MARCKSL1: variants seen among roughly 807,000 people sequenced by gnomAD.
The protein encoded by MARCKSL1 is MARCKS-related protein.
A neutral mutation model predicts 13.3 loss-of-function variants in MARCKSL1; 5 were observed. The ratio of observed to expected loss-of-function variants is 0.38; its 90% confidence interval spans 0.20 to 0.79. The LOEUF is 0.79. Ranked by LOEUF, MARCKSL1 falls within the 30% of genes least tolerant of loss-of-function variation. MARCKSL1 has a pLI of 0.45. For synonymous variants in MARCKSL1, 126 were observed against 103.2 expected (o/e 1.22, Z -1.34); for missense variants, 274 against 251.6 (o/e 1.09, Z -0.60).
Position 32,336,116 on chromosome 1 carries a change from G to A in MARCKSL1, c.-83C>T. On this transcript the variant is annotated 5_prime_UTR_variant, in exon 1 of 2. Coordinates refer to ENST00000329421, the MANE Select transcript of MARCKSL1 (RefSeq NM_023009.7). ...GTACGGCGGGGTCGGCCCGGCCGGC[G>A]GAGGGGTGGGGCTGGCGCCCGAGGG... 1.5e-6 allele frequency: 1 copy of A among 664,198 alleles called. No individual in the cohort carries two copies. Among genetic ancestry groups the A allele is most frequent in the Non-Finnish European group, 2.1e-6 (1 of 473,004 alleles). 41.1% of individuals were successfully genotyped at this position (664,198 alleles called of 1,614,324 possible).
chr1:32,336,106 C>T lies in MARCKSL1; in HGVS notation c.-73G>A. ...GCAGGGGATAGTACGGCGGGGTCGG[C>T]CCGGCCGGCGGAGGGGTGGGGCTGG... On this transcript the variant is annotated 5_prime_UTR_variant, in exon 1 of 2. Transcript: ENST00000329421. The T allele has an allele frequency of 1.2e-6, 1 of 862,026 alleles. No homozygotes were observed. The highest frequency in any genetic ancestry group is 1.5e-6 in the Non-Finnish European group (1 of 648,940). The allele number at this position is 862,026 out of a possible 1,614,324, so 53.4% of individuals were successfully genotyped here. A position where few individuals can be genotyped will look rare whatever the true frequency, so the allele number is the denominator to read the frequency against.
In MARCKSL1 at chr1:32,335,132, G is replaced by A. The variant is rs971169140; in HGVS notation, c.88-35C>T. 3 of 1,501,996 alleles carry A rather than the reference G, an allele frequency of 2.0e-6. No individual in the cohort carries two copies. The highest frequency in any genetic ancestry group is 2.7e-6 in the Non-Finnish European group (3 of 1,126,884). 93.0% of individuals were successfully genotyped at this position (1,501,996 alleles called of 1,614,324 possible). ...AGAGGGAATAGCAATGAGGGCAGGG[G>A]CTCCCCCTCCCCCAGCCCGCTTCTG... On this transcript the variant is annotated intron_variant, in intron 1 of 1. Coordinates refer to ENST00000329421, the MANE Select transcript of MARCKSL1 (RefSeq NM_023009.7). This position sits in a 1 kb window ranked among gnomAD's most constrained non-coding sequence, Gnocchi z 4.1.
In MARCKSL1 at chr1:32,333,843, G is replaced by A. The variant is rs750844119; in HGVS notation, c.*754C>T. On this transcript the variant is annotated 3_prime_UTR_variant, in exon 2 of 2. Transcript: ENST00000329421. ...GACCACTCATTAAAGCACCACTAAA[G>A]GGACGACATTTATTCCTTTTCCAAA... 6.6e-6 allele frequency: 1 copy of A among 152,414 alleles called. No individual in the cohort carries two copies. Among genetic ancestry groups the A allele is most frequent in the Non-Finnish European group, 1.5e-5 (1 of 68,034 alleles). 9.4% of individuals were successfully genotyped at this position (152,414 alleles called of 1,614,324 possible).
In MARCKSL1 at chr1:32,335,177, G is replaced by A. The variant is rs1570049069; in HGVS notation, c.88-80C>T. The A allele has an allele frequency of 6.0e-6, 8 of 1,343,150 alleles. No individual in the cohort carries two copies. The East Asian group carries it at 1.3e-4, about 22-fold the overall frequency. The allele number at this position is 1,343,150 out of a possible 1,614,324, so 83.2% of individuals were successfully genotyped here. A position where few individuals can be genotyped will look rare whatever the true frequency, so the allele number is the denominator to read the frequency against. On this transcript the variant is annotated intron_variant, in intron 1 of 1. Coordinates refer to ENST00000329421, the MANE Select transcript of MARCKSL1 (RefSeq NM_023009.7). This position sits in a 1 kb window ranked among gnomAD's most constrained non-coding sequence, Gnocchi z 4.1. Reference sequence around the variant, plus strand: ...CTTCTGATCCCTTCTAGAGGAAGGGGTCCTCGATTCGATTCTACTGCAACC... The same window carrying A: ...CTTCTGATCCCTTCTAGAGGAAGGGATCCTCGATTCGATTCTACTGCAACC...
At position 32,334,639 on chromosome 1, in the gene MARCKSL1, C is replaced by T. The variant is rs3729976; in HGVS notation, c.546G>A (p.Pro182=). The T allele has an allele frequency of 1.0e-3, 1,610 of 1,596,556 alleles. 19 individuals carry two copies. In the African/African-American group the frequency reaches 0.019, roughly 19 times the overall value. Residue 182 remains proline, a synonymous_variant, in exon 2 of 2, where the codon CCG becomes CCA. Transcript: ENST00000329421. Reference sequence around the variant, plus strand: ...CGCTGGCTGGTGTAGGGCCACTCTCCGGCCCCGAGGGAGTGGATGGCTCTG... The same window carrying T: ...CGCTGGCTGGTGTAGGGCCACTCTCTGGCCCCGAGGGAGTGGATGGCTCTG... ...QATEPSTPSG[P]ESGPTPASAE... is the part of the protein sequence containing the mutation.
Position 32,335,802 on chromosome 1 carries a change from G to T in MARCKSL1, c.87+145C>A, listed in dbSNP as rs967105911. The T allele has an allele frequency of 1.8e-5, 6 of 328,410 alleles. No individual in the cohort carries two copies. Among genetic ancestry groups the T allele is most frequent in the African/African-American group, 1.3e-4 (6 of 45,372 alleles). 20.3% of individuals were successfully genotyped at this position (328,410 alleles called of 1,614,324 possible). A position where few individuals can be genotyped will look rare whatever the true frequency, so the allele number is the denominator to read the frequency against. The stretch of plus-strand genomic sequence containing the variant: ...TCGCTTCGCCCGCGGGGGCTGCGGC[G>T]CCGAGAACAAAGGGACCGGGCGGGG... On this transcript the variant is annotated intron_variant, in intron 1 of 1. Transcript: ENST00000329421. This position sits in a 1 kb window ranked among gnomAD's most constrained non-coding sequence, Gnocchi z 4.1.
Position 32,335,022 on chromosome 1 carries a change from C to T in MARCKSL1, c.163G>A (p.Asp55Asn). The T allele has an allele frequency of 6.3e-7, 1 of 1,587,120 alleles. No individual in the cohort carries two copies. Among genetic ancestry groups the T allele is most frequent in the Non-Finnish European group, 8.6e-7 (1 of 1,167,572 alleles). The change falls in exon 2 of 2, where the codon GAT (aspartate) becomes AAT (asparagine). Residue 55 changes from aspartate to asparagine, a missense_variant. Asp to Asn is a conservative substitution (Grantham distance 23). Transcript: ENST00000329421. The surrounding 1 kb of genome is among the most constrained non-coding windows in gnomAD (Gnocchi z 4.1). ...EGESPPVNGTDEAAGATGDAI... is the reference protein window; with the variant it reads ...EGESPPVNGTNEAAGATGDAI... ...TCGCCAGTGGCCCCGGCTGCCTCAT[C>T]TGTTCCGTTCACAGGGGGCGACTCC...
chr1:32,336,175 C>G lies in MARCKSL1; in HGVS notation c.-142G>C, dbSNP rs988249780. 8.4e-6 allele frequency: 3 copies of G among 358,732 alleles called. No individual in the cohort carries two copies. Among genetic ancestry groups the G allele is most frequent in the Non-Finnish European group, 1.5e-5 (3 of 202,634 alleles). 22.2% of individuals were successfully genotyped at this position (358,732 alleles called of 1,614,324 possible). On this transcript the variant is annotated 5_prime_UTR_variant, in exon 1 of 2. Coordinates refer to ENST00000329421, the MANE Select transcript of MARCKSL1 (RefSeq NM_023009.7). Reference sequence around the variant, plus strand: ...GCCGGGGGAAGCCGAGCTGCACCTCCGCTCCGCGGCCGACCCGCTAGCTGC... The same window carrying G: ...GCCGGGGGAAGCCGAGCTGCACCTCGGCTCCGCGGCCGACCCGCTAGCTGC...
Position 32,335,432 on chromosome 1 carries a change from T to A in MARCKSL1, c.88-335A>T, listed in dbSNP as rs1204393851. On this transcript the variant is annotated intron_variant, in intron 1 of 1. Transcript: ENST00000329421. The surrounding 1 kb of genome is among the most constrained non-coding windows in gnomAD (Gnocchi z 4.1). ...GGCGGGCGAGCCGCTCTAGGCGACA[T>A]TGGGCGGGAAGCCGCCCCGGGGCGC... 6.6e-6 allele frequency among the ~76,000 whole-genome samples: 1 copy of A among 151,100 alleles called. No homozygotes were observed. The highest frequency in any genetic ancestry group is 2.1e-4 in the South Asian group (1 of 4,786).
chr1:32,334,548 G>A lies in MARCKSL1; in HGVS notation c.*49C>T. On this transcript the variant is annotated 3_prime_UTR_variant, in exon 2 of 2. Coordinates refer to ENST00000329421, the MANE Select transcript of MARCKSL1 (RefSeq NM_023009.7). ...CAGGTCCAGGCAGTGACCTCACAAG[G>A]ACAGCACAGTTTTTGCAGCTTAGAG... is the stretch of plus-strand genomic sequence containing the variant. 1 of 1,504,444 alleles carries A rather than the reference G, an allele frequency of 6.6e-7. No individual in the cohort carries two copies. Among genetic ancestry groups the A allele is most frequent in the Non-Finnish European group, 8.9e-7 (1 of 1,127,376 alleles). The allele number at this position is 1,504,444 out of a possible 1,614,324, so 93.2% of individuals were successfully genotyped here.
chr1:32,335,224 A>C lies in MARCKSL1; in HGVS notation c.88-127T>G. 9.5e-7 allele frequency: 1 copy of C among 1,051,468 alleles called. No individual in the cohort carries two copies. The highest frequency in any genetic ancestry group is 1.3e-6 in the Non-Finnish European group (1 of 796,292). 65.1% of individuals were successfully genotyped at this position (1,051,468 alleles called of 1,614,324 possible). A position where few individuals can be genotyped will look rare whatever the true frequency, so the allele number is the denominator to read the frequency against. ...AACCCGAAAGTCTGGCTTCAGCCTC[A>C]CCCACACCCAGGATCCCGTCAAACA... On this transcript the variant is annotated intron_variant, in intron 1 of 1. Transcript: ENST00000329421. This position sits in a 1 kb window ranked among gnomAD's most constrained non-coding sequence, Gnocchi z 4.1.
chr1:32,334,426 A>G lies in MARCKSL1; in HGVS notation c.*171T>C. Reference sequence around the variant, plus strand: ...CCTTAAGAGGAGAACCAGATGGCTGATGGGAGAATCCACAGGAGGGAGAGG... The same window carrying G: ...CCTTAAGAGGAGAACCAGATGGCTGGTGGGAGAATCCACAGGAGGGAGAGG... On this transcript the variant is annotated 3_prime_UTR_variant, in exon 2 of 2. Transcript: ENST00000329421. The G allele has an allele frequency of 2.8e-6, 2 of 702,294 alleles. No homozygotes were observed. Among genetic ancestry groups the G allele is most frequent in the Non-Finnish European group, 4.3e-6 (2 of 460,154 alleles). The allele number at this position is 702,294 out of a possible 1,614,324, so 43.5% of individuals were successfully genotyped here. A position where few individuals can be genotyped will look rare whatever the true frequency, so the allele number is the denominator to read the frequency against.
chr1:32,335,917 G>C lies in MARCKSL1; in HGVS notation c.87+30C>G. On this transcript the variant is annotated intron_variant, in intron 1 of 1. Transcript: ENST00000329421. This position sits in a 1 kb window ranked among gnomAD's most constrained non-coding sequence, Gnocchi z 4.1. ...GAAGGGGCGAGGTGCGAGAGGAGGG[G>C]CTGGGGCCGGCCGGGCCAAGCGTAC... 1 of 1,254,402 alleles carries C rather than the reference G, an allele frequency of 8.0e-7. No individual in the cohort carries two copies. Among genetic ancestry groups the C allele is most frequent in the Non-Finnish European group, 1.0e-6 (1 of 987,108 alleles). 77.7% of individuals were successfully genotyped at this position (1,254,402 alleles called of 1,614,324 possible). A position where few individuals can be genotyped will look rare whatever the true frequency, so the allele number is the denominator to read the frequency against.
rs1553159513 is a variant in MARCKSL1 at position 32,335,276 on chromosome 1, C to CGGGGAGCGAGCGCGCAG, written c.88-196_88-180dup. Among the ~76,000 whole-genome samples, 1 of 152,170 alleles carries CGGGGAGCGAGCGCGCAG rather than the reference C, an allele frequency of 6.6e-6. No individual in the cohort carries two copies. The highest frequency in any genetic ancestry group is 1.5e-5 in the Non-Finnish European group (1 of 68,012). ...CTCCCTCTCGCCCCTCACGGGCGCG[C>CGGGGAGCGAGCGCGCAG]GGGGAGCGAGCGCGCAGAGGGCGCG... On this transcript the variant is annotated intron_variant, in intron 1 of 1. Coordinates refer to ENST00000329421, the MANE Select transcript of MARCKSL1 (RefSeq NM_023009.7). This position sits in a 1 kb window ranked among gnomAD's most constrained non-coding sequence, Gnocchi z 4.1.
chr1:32,334,030 T>C lies in MARCKSL1; in HGVS notation c.*567A>G, dbSNP rs1252684397. On this transcript the variant is annotated 3_prime_UTR_variant, in exon 2 of 2. Coordinates refer to ENST00000329421, the MANE Select transcript of MARCKSL1 (RefSeq NM_023009.7). ...GACCTCCCCCCACCCCAAAGCCTAA[T>C]ACTTGCTTACCAAGTCAAAAAAGAG... 1 of 152,530 alleles carries C rather than the reference T, an allele frequency of 6.6e-6. No individual in the cohort carries two copies. 9.4% of individuals were successfully genotyped at this position (152,530 alleles called of 1,614,324 possible).
chr1:32,335,178 T>G lies in MARCKSL1; in HGVS notation c.88-81A>C. 1.5e-6 allele frequency: 2 copies of G among 1,370,412 alleles called. No individual in the cohort carries two copies. Among genetic ancestry groups the G allele is most frequent in the South Asian group, 3.8e-5 (2 of 52,562 alleles). The allele number at this position is 1,370,412 out of a possible 1,614,324, so 84.9% of individuals were successfully genotyped here. The stretch of plus-strand genomic sequence containing the variant: ...TTCTGATCCCTTCTAGAGGAAGGGG[T>G]CCTCGATTCGATTCTACTGCAACCC... On this transcript the variant is annotated intron_variant, in intron 1 of 1. Coordinates refer to ENST00000329421, the MANE Select transcript of MARCKSL1 (RefSeq NM_023009.7). This position sits in a 1 kb window ranked among gnomAD's most constrained non-coding sequence, Gnocchi z 4.1.
chr1:32,334,396 A>G lies in MARCKSL1; in HGVS notation c.*201T>C. The stretch of plus-strand genomic sequence containing the variant: ...GGGAAGCTGTAAGGGACCATCTTCA[A>G]CTGGCCTTAAGAGGAGAACCAGATG... On this transcript the variant is annotated 3_prime_UTR_variant, in exon 2 of 2. Transcript: ENST00000329421. 1 of 515,256 alleles carries G rather than the reference A, an allele frequency of 1.9e-6. No individual in the cohort carries two copies. The highest frequency in any genetic ancestry group is 3.2e-6 in the Non-Finnish European group (1 of 311,554). 31.9% of individuals were successfully genotyped at this position (515,256 alleles called of 1,614,324 possible).
rs919329416 is a variant in MARCKSL1 at position 32,335,864 on chromosome 1, G to GCGGCCC, written c.87+77_87+82dup. On this transcript the variant is annotated intron_variant, in intron 1 of 1. Transcript: ENST00000329421. This position sits in a 1 kb window ranked among gnomAD's most constrained non-coding sequence, Gnocchi z 4.1. ...GCGTGTCCCGGGCCGGACAAAGCGC[G>GCGGCCC]CGGCCCCGGCCCCGGCCCCGGGCCC... is the stretch of plus-strand genomic sequence containing the variant. 133 of 749,482 alleles carry GCGGCCC rather than the reference G, an allele frequency of 1.8e-4. No homozygotes were observed. Among genetic ancestry groups the GCGGCCC allele is most frequent in the South Asian group, 4.6e-4 (7 of 15,286 alleles). 46.4% of individuals were successfully genotyped at this position (749,482 alleles called of 1,614,324 possible). A position where few individuals can be genotyped will look rare whatever the true frequency, so the allele number is the denominator to read the frequency against.
chr1:32,335,839 G>T lies in MARCKSL1; in HGVS notation c.87+108C>A. 1 of 455,598 alleles carries T rather than the reference G, an allele frequency of 2.2e-6. No homozygotes were observed. The highest frequency in any genetic ancestry group is 3.4e-6 in the Non-Finnish European group (1 of 297,354). 28.2% of individuals were successfully genotyped at this position (455,598 alleles called of 1,614,324 possible). ...GGGACCGGGCGGGGGAGGGGGCGCC[G>T]CGTGTCCCGGGCCGGACAAAGCGCG... On this transcript the variant is annotated intron_variant, in intron 1 of 1. Transcript: ENST00000329421. This position sits in a 1 kb window ranked among gnomAD's most constrained non-coding sequence, Gnocchi z 4.1.
Sources: gnomAD v4.1 joint callset for allele counts (sites outside exome capture counted in the v4.1 genomes callset) on GRCh38, gnomAD v4.1.1 for gene constraint, Gnocchi (gnomAD v3.1) non-coding constraint, MANE v1.5 for transcripts, NCBI Gene and HGNC (gene_info 2026-07-23, HGNC 2026-07-21) for gene names.